The following PDXDC1 variants were observed in gnomAD, a reference collection of about 807,000 sequenced individuals.
The protein encoded by PDXDC1 is pyridoxal dependent decarboxylase domain containing 1.
A neutral mutation model predicts 100.1 loss-of-function variants in PDXDC1; 42 were observed. The observed-to-expected ratio is 0.42, with a 90% CI of 0.33 to 0.54. The LOEUF (loss-of-function observed/expected upper bound fraction) is 0.54, where lower values mean the gene tolerates loss of function less well. Ranked by LOEUF, PDXDC1 falls within the 20% of genes least tolerant of loss-of-function variation. The pLI, the probability that PDXDC1 is intolerant of heterozygous loss-of-function variation, is 0.10. For synonymous variants in PDXDC1, 260 were observed against 371.7 expected (o/e 0.70, Z 3.46); for missense variants, 636 against 979.2 (o/e 0.65, Z 4.68).
At chr16:15,145,548 G>A in the PDXDC1 span, among the ~76,000 whole-genome samples, 2 of 152,242 alleles carry the variant, frequency 1.3e-5, no homozygotes, top group Non-Finnish European at 2.9e-5. Flanking sequence ...CGCTGCTAAG[G>A]TCAGGAACGC....
intron 16 of PDXDC1, among the ~76,000 whole-genome samples, chr16:15,100,187 T>C (rs140244400): frequency 1.2e-4 from 18 of 152,220 alleles, no homozygotes; most frequent in African/African-American, 3.9e-4. Flanking sequence ...AATGGCTGAA[T>C]GGTAGGGCGG....
At chr16:14,994,650 A>G (rs1363371885) in intron 1 of PDXDC1, among the ~76,000 whole-genome samples, 1 of 152,280 alleles carries the variant, frequency 6.6e-6, no homozygotes, top group Non-Finnish European at 1.5e-5. Context: ...TATGAACTTT[A>G]AAGTAGTTTT....
At chr16:15,023,837 T>C (rs1337902296) in intron 13 of PDXDC1, among the ~76,000 whole-genome samples, 3 of 152,278 alleles carry the variant, frequency 2.0e-5, no homozygotes, top group African/African-American at 7.2e-5. Context: ...GGCTCTGCTC[T>C]GAGCAGTGCC....
At chr16:14,990,188 G>C (rs71374762) in intron 1 of PDXDC1, 72 of 1,191,538 alleles carry the variant, frequency 6.0e-5, no homozygotes, top group Middle Eastern at 3.4e-4. Context: ...GCAAGGGCGC[G>C]AGGGCGGCCG....
At chr16:15,080,111 G>T (rs1338814187) in intron 16 of PDXDC1, 1 of 1,588,600 alleles carries the variant, frequency 6.3e-7, no homozygotes. Flanking sequence ...AGGAGAAAAT[G>T]TAAGATAAAA....
intron 1 of PDXDC1, among the ~76,000 whole-genome samples, chr16:14,995,500 C>G (rs1285701328): frequency 1.3e-5 from 2 of 152,304 alleles, no homozygotes; most frequent in Non-Finnish European, 2.9e-5. Context: ...CCCACTTGAT[C>G]ATGCTGGATA....
In PDXDC1 at chr16:15,066,636, T is replaced by TA. The variant is rs67409412; in HGVS notation, c.1399+36595dup. On this transcript the variant is annotated intron_variant, in intron 16 of 16. Transcript: ENST00000535621. ...TGACAGAGCAAGACCTTGTCTCAAATAAAAAAAAAAAAAAAGACAAAAACT... is the reference window on the plus strand; with the variant it reads ...TGACAGAGCAAGACCTTGTCTCAAATAAAAAAAAAAAAAAAAGACAAAAACT... 7.1e-3 allele frequency among the ~76,000 whole-genome samples: 748 copies of TA among 105,444 alleles called. 5 individuals are homozygous for TA. Among genetic ancestry groups the TA allele is most frequent in the African/African-American group, 0.025 (600 of 24,050 alleles). The allele number at this position is 105,444 out of a possible 152,430, so 69.2% of individuals were successfully genotyped here.
rs1246191789 is a variant in PDXDC1, at chr16:14,984,970, G to A, written c.21+9750G>A. Among the ~76,000 whole-genome samples, 11 of 152,312 alleles carry A rather than the reference G, an allele frequency of 7.2e-5. No homozygotes were observed. In the East Asian group the frequency reaches 1.9e-3, roughly 27 times the overall value. On this transcript the variant is annotated intron_variant, in intron 1 of 22. Transcript: ENST00000396410. The stretch of plus-strand genomic sequence containing the variant: ...GCTCACTGCAACCTCTACCTCCTGG[G>A]TTCAAGCGATTCTCCTGCCTCAGCT...
At chr16:14,989,203 G>C (rs1390833299) in intron 1 of PDXDC1, 1 of 1,614,134 alleles carries the variant, frequency 6.2e-7, no homozygotes, top group Admixed American at 1.7e-5. Flanking sequence ...AAGAGCTCCA[G>C]CATTTCCTTC....
intron 16 of PDXDC1, among the ~76,000 whole-genome samples, chr16:15,081,924 T>A (rs532147667): frequency 7.5e-4 from 114 of 152,322 alleles, no homozygotes; most frequent in African/African-American, 2.5e-3. Flanking sequence ...TCTCCCCTAT[T>A]CAATTGTCTT....
intron 16 of PDXDC1, among the ~76,000 whole-genome samples, chr16:15,124,551 G>A (rs2047599756): frequency 6.6e-6 from 1 of 150,940 alleles, no homozygotes; most frequent in Non-Finnish European, 1.5e-5. Context: ...GAGGTGGGCG[G>A]ATCACAAGGT....
chr16:15,024,392 C>T (rs549357935), intron 13 of PDXDC1, among the ~76,000 whole-genome samples: 1 of 137,916 alleles, frequency 7.3e-6, no homozygotes, highest in South Asian at 2.3e-4. Context: ...GTTTCCCACC[C>T]CCCGTCCCCA....
intron 16 of PDXDC1, chr16:15,136,692 G>A (rs921337192): frequency 9.4e-6 from 10 of 1,066,342 alleles, no homozygotes; most frequent in East Asian, 5.0e-5. Flanking sequence ...CCACCAGGCG[G>A]TAGCAGTGCC....
chr16:15,062,100 G>A (rs1483785354), intron 16 of PDXDC1, among the ~76,000 whole-genome samples: 1 of 152,200 alleles, frequency 6.6e-6, no homozygotes, highest in Non-Finnish European at 1.5e-5. Context: ...GACTGCTTGA[G>A]CTCAAGAGTT....
chr16:15,097,990 G>C (rs548748705), intron 16 of PDXDC1, among the ~76,000 whole-genome samples: 1 of 121,534 alleles, frequency 8.2e-6, no homozygotes, highest in African/African-American at 3.2e-5. Context: ...TGCCCAGGCT[G>C]GAGTGCAGTG....
intron 16 of PDXDC1, among the ~76,000 whole-genome samples, chr16:15,074,206 G>C (rs1051973100): frequency 2.0e-5 from 3 of 152,142 alleles, no homozygotes; most frequent in Admixed American, 1.3e-4. Context: ...AGTCAACTCA[G>C]ATTCCAGTTC....
At chr16:15,133,119 G>A (rs1279929566) in intron 16 of PDXDC1, 20 of 645,610 alleles carry the variant, frequency 3.1e-5, no homozygotes, top group Non-Finnish European at 5.2e-5. Flanking sequence ...GCTGGGAGCG[G>A]AACGTCGGGG....
chr16:15,072,259 A>AAG (rs2045267787), intron 16 of PDXDC1, among the ~76,000 whole-genome samples: 2 of 151,456 alleles, frequency 1.3e-5, no homozygotes, highest in Non-Finnish European at 2.9e-5. Context: ...AAAAAAAAAA[A>AAG]AAGAAGAAGA....
At chr16:15,146,908 T>A in the PDXDC1 span, among the ~76,000 whole-genome samples, 1 of 151,804 alleles carries the variant, frequency 6.6e-6, no homozygotes. Flanking sequence ...ACTTTACAGG[T>A]GAGGAAACTG....
Sources: allele counts gnomAD v4.1 joint callset (sites outside exome capture counted in the v4.1 genomes callset), GRCh38; gene constraint gnomAD v4.1.1; transcripts MANE v1.5; gene names NCBI Gene and HGNC (gene_info 2026-07-23, HGNC 2026-07-21).